GMPS: variants seen among roughly 807,000 people sequenced by gnomAD.
GMPS encodes guanosine monophosphate synthase.
Under a neutral mutation model 77.9 loss-of-function variants are expected in GMPS, and 15 were observed. That is an observed-to-expected ratio of 0.19 (90% CI 0.13 to 0.30). The LOEUF (loss-of-function observed/expected upper bound fraction) is 0.30, where lower values mean the gene tolerates loss of function less well. GMPS is among the 10% of genes least tolerant of loss of function. GMPS has a pLI of 1.00. For synonymous variants in GMPS, 224 were observed against 275.9 expected (o/e 0.81, Z 1.86); for missense variants, 590 against 838.8 (o/e 0.70, Z 3.66).
intron 1 of GMPS, among the ~76,000 whole-genome samples, chr3:155,880,315 G>GCCTTGTT (rs1754182634): frequency 1.3e-5 from 2 of 152,116 alleles, no homozygotes; most frequent in Non-Finnish European, 2.9e-5. Context: ...CTTAGATTTG[G>GCCTTGTT]ATGATTGTTG....
chr3:155,890,665 T>TA (rs1338454180), intron 1 of GMPS, among the ~76,000 whole-genome samples: 1 of 152,196 alleles, frequency 6.6e-6, no homozygotes, highest in East Asian at 1.9e-4. Context: ...AAATATCTCC[T>TA]AGAGTTGCTT....
At chr3:155,922,942 T>C (rs1201739679) in intron 11 of GMPS, among the ~76,000 whole-genome samples, 1 of 152,188 alleles carries the variant, frequency 6.6e-6, no homozygotes, top group Non-Finnish European at 1.5e-5. Flanking sequence ...AGATTCTCTT[T>C]AGAATATCTT....
intron 15 of GMPS, 123 bp downstream of exon 15, chr3:155,936,633 C>T: frequency 3.5e-6 from 2 of 572,368 alleles, no homozygotes; most frequent in Admixed American, 3.1e-5. Flanking sequence ...ATAAGATAGG[C>T]TTTTTTTTTT....
intron 2 of GMPS, among the ~76,000 whole-genome samples, chr3:155,894,819 A>C (rs1029348318): frequency 3.3e-5 from 5 of 152,226 alleles, no homozygotes; most frequent in Admixed American, 2.6e-4. Context: ...GCTTAAATTT[A>C]ACTCTGCTCT....
At chr3:155,894,553 T>A (rs535881660) in intron 2 of GMPS, among the ~76,000 whole-genome samples, 4 of 152,120 alleles carry the variant, frequency 2.6e-5, no homozygotes, top group Non-Finnish European at 4.4e-5. Flanking sequence ...CTTTTTTTTT[T>A]ATTGTTGTTT....
Position 155,938,022 on chromosome 3 carries a change from T to G in GMPS, c.*330T>G, listed in dbSNP as rs1755801709. On this transcript the variant is annotated 3_prime_UTR_variant, in exon 16 of 16. Coordinates refer to ENST00000496455, the MANE Select transcript of GMPS (RefSeq NM_003875.3). Reference sequence around the variant, plus strand: ...AGGTGGGTGAATTTGGGGGTAATTATGGGCTTCTGTCTCCTTACCAGTTTC... The same window carrying G: ...AGGTGGGTGAATTTGGGGGTAATTAGGGGCTTCTGTCTCCTTACCAGTTTC... The G allele has an allele frequency of 3.9e-6, 1 of 259,306 alleles. No homozygotes were observed. The highest frequency in any genetic ancestry group is 5.7e-5 in the East Asian group (1 of 17,582). The allele number at this position is 259,306 out of a possible 1,614,324, so 16.1% of individuals were successfully genotyped here. A position where few individuals can be genotyped will look rare whatever the true frequency, so the allele number is the denominator to read the frequency against.
At chr3:155,925,435 C>CAAG in intron 12 of GMPS, 69 bp downstream of exon 12, 2 of 1,308,000 alleles carry the variant, frequency 1.5e-6, no homozygotes, top group Non-Finnish European at 2.1e-6. Flanking sequence ...GACGGAGTCT[C>CAAG]ACTGTGTTGC....
At chr3:155,919,731 C>CT (rs1179045145) in intron 10 of GMPS, among the ~76,000 whole-genome samples, 2 of 152,194 alleles carry the variant, frequency 1.3e-5, no homozygotes, top group East Asian at 3.8e-4. Context: ...AAATTTAGCT[C>CT]TTTAAAATCC....
At chr3:155,908,168 G>A (rs1754940427) in intron 5 of GMPS, among the ~76,000 whole-genome samples, 1 of 152,214 alleles carries the variant, frequency 6.6e-6, no homozygotes, top group African/African-American at 2.4e-5. Context: ...AGACAGCGTT[G>A]TCAGGATCAG....
At chr3:155,880,378 G>A (rs1016345737) in intron 1 of GMPS, among the ~76,000 whole-genome samples, 3 of 152,168 alleles carry the variant, frequency 2.0e-5, no homozygotes, top group African/African-American at 7.2e-5. Flanking sequence ...TGAAGGCTGA[G>A]GGTAACAGTT....
At chr3:155,889,059 G>A (rs1229042201) in intron 1 of GMPS, among the ~76,000 whole-genome samples, 2 of 152,066 alleles carry the variant, frequency 1.3e-5, no homozygotes, top group Non-Finnish European at 2.9e-5. Flanking sequence ...AACTTTGTAT[G>A]GGATTTAACT....
chr3:155,910,943 G>A, intron 6 of GMPS, 58 bp downstream of exon 6: 1 of 1,242,866 alleles, frequency 8.0e-7, no homozygotes, highest in Non-Finnish European at 1.1e-6. Flanking sequence ...TGGAATCCAG[G>A]AGTTAGAGTC....
At chr3:155,912,357 C>T in intron 7 of GMPS, among the ~76,000 whole-genome samples, 1 of 152,196 alleles carries the variant, frequency 6.6e-6, no homozygotes, top group East Asian at 1.9e-4. Context: ...GGTGGATTTT[C>T]TCTGTTTAAG....
chr3:155,878,382 C>A (rs1272431492), intron 1 of GMPS, among the ~76,000 whole-genome samples: 2 of 152,140 alleles, frequency 1.3e-5, no homozygotes, highest in Non-Finnish European at 2.9e-5. Flanking sequence ...ATGTATACCA[C>A]CTTATATTTA....
intron 2 of GMPS, among the ~76,000 whole-genome samples, chr3:155,897,362 T>G (rs1754628009): frequency 6.6e-6 from 1 of 152,152 alleles, no homozygotes; most frequent in African/African-American, 2.4e-5. Flanking sequence ...GCAGGGCATG[T>G]GGGGGCAGAA....
At chr3:155,917,437 CTTTCTG>C (rs1260692636) in intron 9 of GMPS, among the ~76,000 whole-genome samples, 2 of 152,190 alleles carry the variant, frequency 1.3e-5, no homozygotes, top group African/African-American at 2.4e-5. Context: ...CACCATTCTG[CTTTCTG>C]TTTCTATGTT....
Position 155,941,420 on chromosome 3 carries a change from G to C in GMPS, c.*3728G>C, listed in dbSNP as rs1332954864. 1.1e-5 allele frequency: 2 copies of C among 181,256 alleles called. No individual in the cohort carries two copies. Among genetic ancestry groups the C allele is most frequent in the East Asian group, 1.7e-4 (2 of 11,846 alleles). The allele number at this position is 181,256 out of a possible 1,614,324, so 11.2% of individuals were successfully genotyped here. On this transcript the variant is annotated 3_prime_UTR_variant, in exon 16 of 16. Coordinates refer to ENST00000496455, the MANE Select transcript of GMPS (RefSeq NM_003875.3). Reference sequence around the variant, plus strand: ...TCAGTCTCAAAAAAAAAAAAAAAAGGAAGTTCTTAGTGTGTAATTGACCAT... The same window carrying C: ...TCAGTCTCAAAAAAAAAAAAAAAAGCAAGTTCTTAGTGTGTAATTGACCAT...
intron 1 of GMPS, among the ~76,000 whole-genome samples, chr3:155,875,666 AT>A (rs1443437340): frequency 1.3e-5 from 2 of 152,244 alleles, no homozygotes; most frequent in Non-Finnish European, 2.9e-5. Flanking sequence ...GTTTCATAGA[AT>A]TTTAAATCTT....
At chr3:155,914,270 T>C in intron 7 of GMPS, 149 bp from the exon 8 acceptor site, 1 of 480,578 alleles carries the variant, frequency 2.1e-6, no homozygotes, top group Non-Finnish European at 3.5e-6. Context: ...ATTGATAGTT[T>C]ATTGAAATTT....
Sources: gnomAD v4.1 joint callset for allele counts (sites outside exome capture counted in the v4.1 genomes callset) on GRCh38, gnomAD v4.1.1 for gene constraint, MANE v1.5 for transcripts, NCBI Gene and HGNC (gene_info 2026-07-23, HGNC 2026-07-21) for gene names.